The following ADAMTSL1 variants were observed in gnomAD, a reference collection of about 807,000 sequenced individuals.
The protein encoded by ADAMTSL1 is ADAMTS-like protein 1.
A neutral mutation model predicts 201.8 loss-of-function variants in ADAMTSL1; 126 were observed. The observed-to-expected ratio is 0.62, with a 90% CI of 0.54 to 0.72. ADAMTSL1 has a LOEUF of 0.72. Among genes scored for constraint, ADAMTSL1 ranks in the 30% least tolerant of loss-of-function variants. The pLI, the probability that ADAMTSL1 is intolerant of heterozygous loss-of-function variation, is 0.00. For synonymous variants in ADAMTSL1, 1,121 were observed against 903.4 expected (o/e 1.24, Z -4.32); for missense variants, 2,679 against 2,277.8 (o/e 1.18, Z -3.59).
intron 25 of ADAMTSL1, among the ~76,000 whole-genome samples, chr9:18,891,418 C>T (rs145993208): frequency 3.8e-4 from 58 of 152,260 alleles, no homozygotes; most frequent in Middle Eastern, 3.4e-3. Flanking sequence ...AACAGTCTCG[C>T]GATTTCCCCA....
chr9:18,438,931 C>G (rs1255529560), intron 2 of ADAMTSL1, among the ~76,000 whole-genome samples: 3 of 152,124 alleles, frequency 2.0e-5, no homozygotes, highest in Admixed American at 1.3e-4. Flanking sequence ...AGTCCCGAGC[C>G]TTTGTCCCCC....
chr9:18,579,512 A>G (rs1822962683), intron 4 of ADAMTSL1, among the ~76,000 whole-genome samples: 1 of 151,026 alleles, frequency 6.6e-6, no homozygotes, highest in Non-Finnish European at 1.5e-5. Context: ...ATAAATAAAT[A>G]AAAAAAATAA....
chr9:18,718,002 G>C (rs761922427), intron 14 of ADAMTSL1: 15 of 1,592,228 alleles, frequency 9.4e-6, no homozygotes, highest in Non-Finnish European at 1.3e-5. Context: ...GACTTTTTGC[G>C]AGCCTTCCCA....
At chr9:18,243,143 C>T (rs1193532780) in intron 2 of ADAMTSL1, among the ~76,000 whole-genome samples, 1 of 152,076 alleles carries the variant, frequency 6.6e-6, no homozygotes, top group Non-Finnish European at 1.5e-5. Flanking sequence ...ACACATAGAC[C>T]AGTGGAACAC....
At chr9:18,636,442 C>T (rs1827118942) in intron 6 of ADAMTSL1, among the ~76,000 whole-genome samples, 1 of 152,038 alleles carries the variant, frequency 6.6e-6, no homozygotes. Context: ...TTCCATCAAT[C>T]CAGAGGAACA....
chr9:18,763,296 G>A (rs527530295), intron 16 of ADAMTSL1, among the ~76,000 whole-genome samples: 19 of 152,204 alleles, frequency 1.2e-4, no homozygotes, highest in Admixed American at 8.5e-4. Flanking sequence ...GTTTGCCATT[G>A]TGTCTTCTTT....
At chr9:18,785,350 C>T (rs1318858124) in intron 19 of ADAMTSL1, among the ~76,000 whole-genome samples, 1 of 152,216 alleles carries the variant, frequency 6.6e-6, no homozygotes, top group African/African-American at 2.4e-5. Context: ...TGGCTTCCAG[C>T]TGATGAGGCT....
chr9:18,466,046 C>T (rs897481927), intron 2 of ADAMTSL1, among the ~76,000 whole-genome samples: 10 of 152,140 alleles, frequency 6.6e-5, no homozygotes, highest in Non-Finnish European at 1.2e-4. Context: ...CCACTGTGCC[C>T]GGCTTCAAGT....
intron 19 of ADAMTSL1, among the ~76,000 whole-genome samples, chr9:18,792,120 G>A (rs1822101477): frequency 6.6e-6 from 1 of 152,094 alleles, no homozygotes; most frequent in Non-Finnish European, 1.5e-5. Flanking sequence ...AAGTTGCCTA[G>A]GGGAAACTGG....
At chr9:18,698,649 A>G (rs955440361) in intron 13 of ADAMTSL1, among the ~76,000 whole-genome samples, 3 of 152,232 alleles carry the variant, frequency 2.0e-5, no homozygotes. Context: ...AAGGAGACTG[A>G]GAAGGAAGTA....
chr9:18,023,926 G>A (rs899786693), intron 1 of ADAMTSL1, among the ~76,000 whole-genome samples: 3 of 151,966 alleles, frequency 2.0e-5, no homozygotes, highest in African/African-American at 7.2e-5. Flanking sequence ...AAAGAAATAC[G>A]AAAATATTTA....
chr9:18,614,000 G>A (rs1825550184), intron 4 of ADAMTSL1, among the ~76,000 whole-genome samples: 1 of 152,226 alleles, frequency 6.6e-6, no homozygotes, highest in Admixed American at 6.5e-5. Flanking sequence ...CAAAGAGTCA[G>A]ACAACTGCCG....
chr9:18,287,474 T>G (rs1452196731), intron 2 of ADAMTSL1, among the ~76,000 whole-genome samples: 1 of 151,730 alleles, frequency 6.6e-6, no homozygotes, highest in African/African-American at 2.4e-5. Context: ...TGTAAATGTA[T>G]GTTCAGATAT....
chr9:18,756,992 G>A (rs2133635559), intron 16 of ADAMTSL1, among the ~76,000 whole-genome samples: 1 of 152,226 alleles, frequency 6.6e-6, no homozygotes, highest in African/African-American at 2.4e-5. Flanking sequence ...GGTCCGGAGA[G>A]GACCTAGCAT....
intron 4 of ADAMTSL1, among the ~76,000 whole-genome samples, chr9:18,609,247 T>C (rs1825223044): frequency 6.6e-6 from 1 of 152,200 alleles, no homozygotes; most frequent in South Asian, 2.1e-4. Flanking sequence ...TAAGGAAGGA[T>C]GTTTTCAGAA....
chr9:18,032,034 CT>C (rs1478427564), intron 1 of ADAMTSL1, among the ~76,000 whole-genome samples: 1 of 152,200 alleles, frequency 6.6e-6, no homozygotes, highest in Non-Finnish European at 1.5e-5. Flanking sequence ...CTTCTAGTGT[CT>C]TCCCTAGGAG....
intron 2 of ADAMTSL1, among the ~76,000 whole-genome samples, chr9:18,201,914 C>T (rs1230162476): frequency 6.6e-6 from 1 of 152,046 alleles, no homozygotes; most frequent in Non-Finnish European, 1.5e-5. Flanking sequence ...CTTAGAAATA[C>T]CTGTGTAATA....
intron 2 of ADAMTSL1, among the ~76,000 whole-genome samples, chr9:18,207,588 T>C (rs566709634): frequency 6.6e-6 from 1 of 152,214 alleles, no homozygotes; most frequent in Non-Finnish European, 1.5e-5. Context: ...CAATAGAAGA[T>C]AAGAAGTTAA....
At chr9:18,255,955 C>T (rs1368619721) in intron 2 of ADAMTSL1, among the ~76,000 whole-genome samples, 2 of 152,180 alleles carry the variant, frequency 1.3e-5, no homozygotes, top group Non-Finnish European at 2.9e-5. Flanking sequence ...CTGACTTTCG[C>T]CCCCATCAAA....
Sources: allele counts gnomAD v4.1 joint callset (sites outside exome capture counted in the v4.1 genomes callset), GRCh38; gene constraint gnomAD v4.1.1; transcripts MANE v1.5; gene names NCBI Gene and HGNC (gene_info 2026-07-23, HGNC 2026-07-21).